The following SMCO4 variants were observed in gnomAD, a reference collection of about 807,000 sequenced individuals.
The protein encoded by SMCO4 is single-pass membrane protein with coiled-coil domains 4, also known as single-pass membrane and coiled-coil domain-containing protein 4.
A neutral mutation model predicts 3.6 loss-of-function variants in SMCO4; 4 were observed. The ratio of observed to expected loss-of-function variants is 1.11; its 90% CI spans 0.54 to 2.53. The LOEUF is 2.53. Among genes scored for constraint, SMCO4 ranks in the 30% most tolerant of loss-of-function variants. The pLI is 0.02. For missense variants in SMCO4, 70 were observed against 80.8 expected (o/e 0.87, Z 0.51); for synonymous variants, 36 against 35.3 (o/e 1.02, Z -0.07).
intron 1 of SMCO4, among the ~76,000 whole-genome samples, chr11:93,499,921 A>T (rs1005210815): frequency 2.6e-4 from 40 of 152,148 alleles, no homozygotes; most frequent in African/African-American, 8.9e-4. Context: ...CAACAAATTA[A>T]CTCAAAACCT....
At chr11:93,544,490 G>C (rs1728257189), upstream of SMCO4, among the ~76,000 whole-genome samples, 1 of 152,132 alleles carries the variant, frequency 6.6e-6, no homozygotes, top group African/African-American at 2.4e-5. Flanking sequence ...CTCTTCTGCA[G>C]GTTTTCCACC....
intron 2 of SMCO4, among the ~76,000 whole-genome samples, chr11:93,479,985 G>A (rs1432414184): frequency 6.6e-6 from 1 of 152,126 alleles, no homozygotes; most frequent in African/African-American, 2.4e-5. Context: ...CACTCAACCT[G>A]GGATTCTCCT....
chr11:93,502,624 C>T (rs138001248), intron 1 of SMCO4, among the ~76,000 whole-genome samples: 89 of 152,306 alleles, frequency 5.8e-4, no homozygotes, highest in Admixed American at 1.4e-3. Flanking sequence ...AGCAATTAAA[C>T]AAATTCTCAT....
intron 1 of SMCO4, chr11:93,535,359 G>A (rs1206149591): frequency 3.0e-6 from 2 of 671,092 alleles, no homozygotes; most frequent in Non-Finnish European, 5.1e-6. Flanking sequence ...AGTTGCTATG[G>A]ACCCACCACT....
intron 2 of SMCO4, among the ~76,000 whole-genome samples, chr11:93,486,570 A>G (rs1286637031): frequency 1.3e-5 from 2 of 152,106 alleles, no homozygotes; most frequent in African/African-American, 4.8e-5. Context: ...GATGCACCAC[A>G]TCCCGCTTGA....
chr11:93,479,830 G>A lies in SMCO4; in HGVS notation c.-80-561C>T, dbSNP rs528571709. Among the ~76,000 whole-genome samples the A allele has an allele frequency of 2.1e-4, 32 of 152,222 alleles. 1 individual carries two copies. The highest frequency in any genetic ancestry group is 6.3e-4 in the African/African-American group (26 of 41,546). On this transcript the variant is annotated intron_variant, in intron 2 of 2. Coordinates refer to ENST00000298966, the MANE Select transcript of SMCO4 (RefSeq NM_020179.3). The stretch of plus-strand genomic sequence containing the variant: ...ATCCAAACCTTCCCAAGCACCCACC[G>A]TGTGCCAAGCATTACTCAAGGAGCT...
chr11:93,480,588 G>C (rs201683863), intron 2 of SMCO4, among the ~76,000 whole-genome samples: 1 of 152,178 alleles, frequency 6.6e-6, no homozygotes. Flanking sequence ...CAATATTCTC[G>C]GAGAGTAGCA....
chr11:93,494,098 G>A (rs999516527), intron 2 of SMCO4, among the ~76,000 whole-genome samples: 1 of 152,058 alleles, frequency 6.6e-6, no homozygotes, highest in Admixed American at 6.5e-5. Context: ...GAGTCCTTTC[G>A]AAACCACTGT....
At chr11:93,543,120 TG>T (rs972848835) in intron 1 of SMCO4, among the ~76,000 whole-genome samples, 155 bp downstream of exon 1, 1 of 150,358 alleles carries the variant, frequency 6.7e-6, no homozygotes, top group African/African-American at 2.4e-5. Flanking sequence ...CGCCCAGGCC[TG>T]GGTCAGCAGC....
chr11:93,501,488 C>CT, intron 1 of SMCO4, among the ~76,000 whole-genome samples: 1 of 152,328 alleles, frequency 6.6e-6, no homozygotes, highest in East Asian at 1.9e-4. Context: ...CATTCCCTGG[C>CT]TTGTGGCCAC....
At chr11:93,549,528 A>C in the SMCO4 span, among the ~76,000 whole-genome samples, 2 of 152,110 alleles carry the variant, frequency 1.3e-5, no homozygotes, top group East Asian at 3.8e-4. Flanking sequence ...ATCTCACTGC[A>C]GCTTCAACCT....
the SMCO4 span, among the ~76,000 whole-genome samples, chr11:93,552,221 A>G: frequency 6.8e-6 from 1 of 147,844 alleles, no homozygotes; most frequent in Admixed American, 6.7e-5. Flanking sequence ...CAGTGGCACA[A>G]TCTCGGCTCA....
rs181028654 is a variant in SMCO4 at position 93,498,635 on chromosome 11, T to C, written c.-81+641A>G. Among the ~76,000 whole-genome samples, 6 of 152,354 alleles carry C rather than the reference T, an allele frequency of 3.9e-5. No individual in the cohort carries two copies. In the East Asian group the frequency reaches 1.2e-3, roughly 29 times the overall value. On this transcript the variant is annotated intron_variant, in intron 2 of 2. Coordinates refer to ENST00000298966, the MANE Select transcript of SMCO4 (RefSeq NM_020179.3). ...AAAAAAGTATCAGATACAAAAGCTT[T>C]GCTATTAGCTTCATTTCACCAATAG... is the stretch of plus-strand genomic sequence containing the variant.
At chr11:93,533,938 A>T (rs535859597) in intron 1 of SMCO4, among the ~76,000 whole-genome samples, 1 of 152,064 alleles carries the variant, frequency 6.6e-6, no homozygotes, top group African/African-American at 2.4e-5. Context: ...TGTAATCCCA[A>T]CACTTGTGGA....
Position 93,497,256 on chromosome 11 carries a change from C to T in SMCO4, c.-81+2020G>A, listed in dbSNP as rs146489244. ...CCACATGGCAATAAAGCACTGTGCT[C>T]TGCTGCCTTGACTGATAGAAACCAT... On this transcript the variant is annotated intron_variant, in intron 2 of 2. Transcript: ENST00000298966. Among the ~76,000 whole-genome samples, 12 of 152,312 alleles carry T rather than the reference C, an allele frequency of 7.9e-5. 1 individual carries two copies. In the East Asian group the frequency reaches 2.3e-3, roughly 29 times the overall value.
chr11:93,482,176 C>T (rs1310708205), intron 2 of SMCO4, among the ~76,000 whole-genome samples: 2 of 152,226 alleles, frequency 1.3e-5, no homozygotes, highest in Admixed American at 1.3e-4. Flanking sequence ...TCTCACTCAC[C>T]TGTGAGCTGG....
chr11:93,534,726 T>C (rs1462582122), intron 1 of SMCO4, among the ~76,000 whole-genome samples: 3 of 152,144 alleles, frequency 2.0e-5, no homozygotes, highest in African/African-American at 7.2e-5. Flanking sequence ...AAGGACTCTG[T>C]GGTCCAGTAA....
chr11:93,526,042 C>G (rs1287875046), intron 1 of SMCO4, among the ~76,000 whole-genome samples: 1 of 152,230 alleles, frequency 6.6e-6, no homozygotes, highest in Non-Finnish European at 1.5e-5. Flanking sequence ...GGTTACACCT[C>G]TCATGACAGG....
At chr11:93,549,216 A>AT in the SMCO4 span, among the ~76,000 whole-genome samples, 587 of 152,330 alleles carry the variant, frequency 3.9e-3, 6 homozygotes, top group African/African-American at 0.013. Context: ...GGAGCTACTT[A>AT]ACCCTAAGAG....
Sources: gnomAD v4.1 joint callset for allele counts (sites outside exome capture counted in the v4.1 genomes callset) on GRCh38, gnomAD v4.1.1 for gene constraint, MANE v1.5 for transcripts, NCBI Gene and HGNC (gene_info 2026-07-23, HGNC 2026-07-21) for gene names.